The following TRPA1 variants were observed in gnomAD, a reference collection of about 807,000 sequenced individuals.
TRPA1 encodes the protein transient receptor potential cation channel subfamily A member 1.
A neutral mutation model predicts 131.3 loss-of-function variants in TRPA1; 129 were observed. That is an observed-to-expected ratio of 0.98 (90% CI 0.85 to 1.14). The LOEUF (loss-of-function observed/expected upper bound fraction) is 1.14, where lower values mean the gene tolerates loss of function less well. Ranked by LOEUF, TRPA1 falls within the 50% of genes most tolerant of loss-of-function variation. The pLI, the probability that TRPA1 is intolerant of heterozygous loss-of-function variation, is 0.00. For missense variants in TRPA1, 1,304 were observed against 1,354.2 expected, an observed-to-expected ratio of 0.96 and a Z score of 0.58; for synonymous variants, 441 against 451.7, an observed-to-expected ratio of 0.98 and a Z score of 0.30.
chr8:72,030,367 T>C (rs1439728424), intron 23 of TRPA1, among the ~76,000 whole-genome samples: 2 of 152,176 alleles, frequency 1.3e-5, no homozygotes, highest in East Asian at 3.8e-4. Flanking sequence ...TATACATACA[T>C]TTTGGATGGG....
At chr8:72,056,041 C>CA (rs1805660057) in intron 10 of TRPA1, 186 bp from the exon 11 acceptor site, 1 of 649,394 alleles carries the variant, frequency 1.5e-6, no homozygotes, top group South Asian at 1.9e-5. Flanking sequence ...GCTCTGTCTT[C>CA]ATTTAGTGTA....
Position 72,061,668 on chromosome 8 carries a change from T to C in TRPA1, c.901A>G (p.Ile301Val), listed in dbSNP as rs894525091. Residue 301 changes from isoleucine (I) to valine (V), a missense_variant, in exon 7 of 27, where the codon ATT becomes GTT. By Grantham distance (29) the Ile-to-Val change is conservative. Transcript: ENST00000262209. ...TGACATCCATCGGTTGTGTTAACAA[T>C]ATCCACGCTACCAGAATAGGACGAT... ...MISSYSGSVD[I>V]VNTTDGCHET... is the part of the protein sequence containing the mutation. 4 of 1,614,054 alleles carry C rather than the reference T, an allele frequency of 2.5e-6. No homozygotes were observed. Among genetic ancestry groups the C allele is most frequent in the East Asian group, 2.2e-5 (1 of 44,874 alleles).
At chr8:72,037,705 AG>A (rs1812104125) in intron 20 of TRPA1, among the ~76,000 whole-genome samples, 1 of 152,102 alleles carries the variant, frequency 6.6e-6, no homozygotes, top group South Asian at 2.1e-4. Context: ...GTAAGAGAAA[AG>A]AAAGTTCACT....
intron 20 of TRPA1, among the ~76,000 whole-genome samples, chr8:72,037,770 C>G (rs1585850076): frequency 1.3e-5 from 2 of 152,168 alleles, no homozygotes; most frequent in Admixed American, 1.3e-4. Flanking sequence ...TGGAACATCT[C>G]TTTCATAGAT....
At chr8:72,070,326 TAC>T (rs1313929692) in intron 2 of TRPA1, among the ~76,000 whole-genome samples, 2 of 151,908 alleles carry the variant, frequency 1.3e-5, no homozygotes, top group Admixed American at 6.6e-5. Flanking sequence ...TTCTAAACAA[TAC>T]ACACACACAT....
chr8:72,039,176 C>A, intron 18 of TRPA1, 149 bp from the exon 19 acceptor site: 2 of 795,180 alleles, frequency 2.5e-6, no homozygotes, highest in Admixed American at 4.9e-5. Flanking sequence ...TCTAATTCAC[C>A]TTTTTCATTT....
intron 13 of TRPA1, chr8:72,052,974 T>TGTGTGTGTGTGTGTGTGTGTGTGTGG (rs1805552770): frequency 2.5e-6 from 1 of 398,178 alleles, no homozygotes. Context: ...TCTGTGTGTG[T>TGTGTGTGTGTGTGTGTGTGTGTGTGG]GTGTGTGTGT....
At chr8:72,023,670 ACT>A (rs1811478389) in intron 26 of TRPA1, 142 bp downstream of exon 26, 3 of 588,754 alleles carry the variant, frequency 5.1e-6, no homozygotes, top group African/African-American at 1.9e-5. Context: ...ATGTCTCATG[ACT>A]CTCAATACAC....
intron 1 of TRPA1, among the ~76,000 whole-genome samples, chr8:72,074,937 T>C (rs539667864): frequency 2.6e-5 from 4 of 152,310 alleles, no homozygotes; most frequent in African/African-American, 7.2e-5. Flanking sequence ...ATTCGGCTAT[T>C]TGGTTCTAAA....
chr8:72,085,914 T>C, the TRPA1 span, among the ~76,000 whole-genome samples: 1 of 152,154 alleles, frequency 6.6e-6, no homozygotes, highest in Admixed American at 6.6e-5. Flanking sequence ...TATTTATTTA[T>C]TTTTTTGAGA....
intron 3 of TRPA1, among the ~76,000 whole-genome samples, chr8:72,066,191 C>A (rs1805928459): frequency 6.6e-6 from 1 of 152,148 alleles, no homozygotes; most frequent in Admixed American, 6.5e-5. Context: ...ATAAAATGAT[C>A]AAGCAATTTT....
intron 18 of TRPA1, among the ~76,000 whole-genome samples, chr8:72,039,418 T>C (rs1297555087): frequency 6.6e-6 from 1 of 152,064 alleles, no homozygotes. Flanking sequence ...TTTTAGGCTC[T>C]AAAGAGCTTC....
chr8:72,029,781 G>A (rs778646713), intron 24 of TRPA1, 120 bp downstream of exon 24: 10 of 965,066 alleles, frequency 1.0e-5, no homozygotes, highest in African/African-American at 1.6e-5. Flanking sequence ...AGTGTAAGTA[G>A]TATAAATTTA....
upstream of TRPA1, among the ~76,000 whole-genome samples, chr8:72,078,958 T>C (rs188151489): frequency 3.3e-5 from 5 of 152,186 alleles, no homozygotes; most frequent in East Asian, 9.6e-4. Flanking sequence ...ATTCTAATGG[T>C]ATATACCATT....
At chr8:72,051,401 C>T (rs1006619754) in intron 14 of TRPA1, among the ~76,000 whole-genome samples, 1 of 152,202 alleles carries the variant, frequency 6.6e-6, no homozygotes, top group Non-Finnish European at 1.5e-5. Context: ...CACCATCCAA[C>T]TGAACAGGGT....
chr8:72,047,383 G>A (rs983669210), intron 15 of TRPA1, among the ~76,000 whole-genome samples, 176 bp from the exon 16 acceptor site: 1 of 151,992 alleles, frequency 6.6e-6, no homozygotes, highest in Admixed American at 6.6e-5. Flanking sequence ...AATACAAAAT[G>A]TTACAAATAC....
chr8:72,062,908 T>A lies in TRPA1; in HGVS notation c.698A>T (p.Asn233Ile), dbSNP rs1392640373. ...GGTGGCTTTCCCATTATTCATAAAGTTAATGTGCAACTGTCTACTGTACCC... is the reference window on the plus strand; with the variant it reads ...GGTGGCTTTCCCATTATTCATAAAGATAATGTGCAACTGTCTACTGTACCC... ...EHGYSRQLHI[N>I]FMNNGKATPL... Residue 233 changes from asparagine (N) to isoleucine (I), a missense_variant, in exon 6 of 27, where the codon AAC becomes ATC. Asn to Ile is a moderately radical substitution (Grantham distance 149). Transcript: ENST00000262209. The A allele has an allele frequency of 6.2e-6, 10 of 1,613,768 alleles. No homozygotes were observed. The highest frequency in any genetic ancestry group is 8.5e-6 in the Non-Finnish European group (10 of 1,179,948).
At chr8:72,052,499 A>T in intron 14 of TRPA1, 100 bp downstream of exon 14, 2 of 1,474,402 alleles carry the variant, frequency 1.4e-6, no homozygotes, top group Non-Finnish European at 9.5e-7. Context: ...AATTTTGATT[A>T]ATGGCTGAAA....
intron 1 of TRPA1, among the ~76,000 whole-genome samples, chr8:72,074,298 G>A (rs1007002679): frequency 1.3e-5 from 2 of 152,198 alleles, no homozygotes; most frequent in African/African-American, 4.8e-5. Flanking sequence ...GGTAAAAAGA[G>A]TGAGGTAAAT....
Sources: allele counts gnomAD v4.1 joint callset (sites outside exome capture counted in the v4.1 genomes callset), GRCh38; gene constraint gnomAD v4.1.1; transcripts MANE v1.5; gene names NCBI Gene and HGNC (gene_info 2026-07-23, HGNC 2026-07-21).